UBAC2: variants seen among roughly 807,000 people sequenced by gnomAD.
UBAC2 encodes ubiquitin-associated domain-containing protein 2.
UBAC2 carries 26 observed loss-of-function variants against 44.0 expected under a neutral mutation model. That is an observed-to-expected ratio of 0.59 (90% CI 0.43 to 0.82). UBAC2 has a LOEUF of 0.82. Among genes scored for constraint, UBAC2 ranks in the 40% least tolerant of loss-of-function variants. The probability of loss-of-function intolerance (pLI) is 0.00; values close to 1 mark genes in which losing one functional copy is unlikely to be tolerated. For synonymous variants in UBAC2, 155 were observed against 154.3 expected, an observed-to-expected ratio of 1.00 and a Z score of -0.04; for missense variants, 329 against 419.4, an observed-to-expected ratio of 0.78 and a Z score of 1.88.
intron 4 of UBAC2, among the ~76,000 whole-genome samples, chr13:99,259,308 T>A (rs1473960918): frequency 6.6e-6 from 1 of 152,156 alleles, no homozygotes; most frequent in Non-Finnish European, 1.5e-5. Flanking sequence ...CTTAAATGTA[T>A]TTGTTTTTTT....
intron 7 of UBAC2, among the ~76,000 whole-genome samples, chr13:99,349,757 G>C (rs1442795241): frequency 6.6e-6 from 1 of 152,212 alleles, no homozygotes; most frequent in Non-Finnish European, 1.5e-5. Flanking sequence ...GAGGAACCAG[G>C]AGTACGGGAG....
At position 99,314,344 on chromosome 13, in the gene UBAC2, A is replaced by G. The variant is rs538153195; in HGVS notation, c.513+124A>G. The G allele has an allele frequency of 8.5e-5, 96 of 1,132,916 alleles. No homozygotes were observed. In the African/African-American group the frequency reaches 1.2e-3, roughly 14 times the overall value. 70.2% of individuals were successfully genotyped at this position (1,132,916 alleles called of 1,614,324 possible). A position where few individuals can be genotyped will look rare whatever the true frequency, so the allele number is the denominator to read the frequency against. ...TTTTTCCCCCCATAATCTTGGCTTC[A>G]TGATCTATATCAAATGTTTAAAGGA... On this transcript the variant is annotated intron_variant, in intron 5 of 8. Coordinates refer to ENST00000403766, the MANE Select transcript of UBAC2 (RefSeq NM_001144072.2).
chr13:99,338,047 C>CTTTTTCTTTTTTTTTTTTTT (rs2044821100), intron 6 of UBAC2, among the ~76,000 whole-genome samples: 1 of 48,866 alleles, frequency 2.0e-5, no homozygotes, highest in African/African-American at 7.1e-5. Context: ...TTCTTTTTTT[C>CTTTTTCTTTTTTTTTTTTTT]TTTTTTTTTT....
At chr13:99,283,236 A>T (rs1286289939) in intron 4 of UBAC2, among the ~76,000 whole-genome samples, 1 of 152,314 alleles carries the variant, frequency 6.6e-6, no homozygotes, top group East Asian at 1.9e-4. Context: ...TGTGGTTTTC[A>T]GCTGTTATTC....
At chr13:99,347,948 T>C (rs2045016802) in intron 7 of UBAC2, among the ~76,000 whole-genome samples, 1 of 152,036 alleles carries the variant, frequency 6.6e-6, no homozygotes, top group Non-Finnish European at 1.5e-5. Context: ...CATTCTTTTG[T>C]AAACTCGGGA....
At chr13:99,268,611 CAAA>C (rs756827927) in intron 4 of UBAC2, among the ~76,000 whole-genome samples, 3 of 75,736 alleles carry the variant, frequency 4.0e-5, no homozygotes, top group East Asian at 4.9e-4. Flanking sequence ...GACTCTGTCT[CAAA>C]AAAAAAAAAA....
chr13:99,385,173 A>G, intron 8 of UBAC2, 55 bp from the exon 9 acceptor site: 2 of 1,325,698 alleles, frequency 1.5e-6, no homozygotes, highest in Non-Finnish European at 2.2e-6. Flanking sequence ...TTTGGGGCCC[A>G]GGGATAAGCG....
intron 7 of UBAC2, among the ~76,000 whole-genome samples, chr13:99,354,048 A>G (rs1250035488): frequency 1.3e-5 from 2 of 152,276 alleles, no homozygotes; most frequent in African/African-American, 4.8e-5. Flanking sequence ...GCACACGTGC[A>G]GTGCCTGTTC....
At chr13:99,300,820 G>A (rs1351706109) in intron 4 of UBAC2, among the ~76,000 whole-genome samples, 2 of 152,164 alleles carry the variant, frequency 1.3e-5, no homozygotes, top group Middle Eastern at 3.2e-3. Flanking sequence ...CTCATACACA[G>A]CAGTACTCTG....
intron 4 of UBAC2, among the ~76,000 whole-genome samples, chr13:99,272,065 T>C (rs559996885): frequency 1.3e-5 from 2 of 152,342 alleles, no homozygotes; most frequent in East Asian, 1.9e-4. Context: ...ATTTTTAGTC[T>C]TCTCTCTAAA....
rs1213154612 is a variant in UBAC2 at position 99,295,723 on chromosome 13, CTTG to C, written c.390-18369_390-18367del. On this transcript the variant is annotated intron_variant, in intron 4 of 8. Coordinates refer to ENST00000403766, the MANE Select transcript of UBAC2 (RefSeq NM_001144072.2). The surrounding 1 kb of genome is among the most constrained non-coding windows in gnomAD (Gnocchi z 4.1). ...CTTTTGCATGTTCAATCCTTTTTAT[CTTG>C]TTGTAGCGTAGAGGGTGCACCACAG... 24 of 1,614,028 alleles carry C rather than the reference CTTG, an allele frequency of 1.5e-5. No individual in the cohort carries two copies. Among genetic ancestry groups the C allele is most frequent in the Non-Finnish European group, 1.9e-5 (23 of 1,180,020 alleles).
chr13:99,209,602 CT>C (rs1261962289), intron 1 of UBAC2, among the ~76,000 whole-genome samples: 1 of 152,190 alleles, frequency 6.6e-6, no homozygotes, highest in African/African-American at 2.4e-5. Context: ...CTCGTTTACT[CT>C]TGGGGACACA....
chr13:99,284,383 T>C (rs191242000), intron 4 of UBAC2, among the ~76,000 whole-genome samples: 89 of 152,374 alleles, frequency 5.8e-4, no homozygotes, highest in African/African-American at 1.7e-3. Context: ...CTGCCACTTA[T>C]GTTTTATACT....
Position 99,295,056 on chromosome 13 carries a change from C to T in UBAC2, c.390-19041C>T, listed in dbSNP as rs1184877666. ...CGTCACTATAAACCAAAATACAATC[C>T]ATTTCACTTTCCATTTGAAGACTTG... On this transcript the variant is annotated intron_variant, in intron 4 of 8. Transcript: ENST00000403766. The surrounding 1 kb of genome is among the most constrained non-coding windows in gnomAD (Gnocchi z 4.1). 6.2e-7 allele frequency: 1 copy of T among 1,611,472 alleles called. No individual in the cohort carries two copies. The highest frequency in any genetic ancestry group is 1.3e-5 in the African/African-American group (1 of 74,928).
chr13:99,303,251 G>C (rs1320071206), intron 4 of UBAC2, among the ~76,000 whole-genome samples: 2 of 152,220 alleles, frequency 1.3e-5, no homozygotes, highest in African/African-American at 4.8e-5. Flanking sequence ...GCAGTCTACT[G>C]TTTCCTCTTT....
intron 2 of UBAC2, among the ~76,000 whole-genome samples, chr13:99,240,155 G>T (rs1306427378): frequency 6.6e-6 from 1 of 152,120 alleles, no homozygotes; most frequent in East Asian, 1.9e-4. Flanking sequence ...CCAGATTTTG[G>T]CAGTGAATGC....
chr13:99,262,557 G>T (rs2043679121), intron 4 of UBAC2, among the ~76,000 whole-genome samples: 1 of 151,882 alleles, frequency 6.6e-6, no homozygotes. Flanking sequence ...ACAAAAATTA[G>T]CTGGGCATGG....
At position 99,295,585 on chromosome 13, in the gene UBAC2, A is replaced by G. The variant is rs1422116410; in HGVS notation, c.390-18512A>G. ...TCCAGGGAAGAGATTTAGTTTCTTC[A>G]AAGTTTGGATACTCCATGCATGTAA... On this transcript the variant is annotated intron_variant, in intron 4 of 8. Coordinates refer to ENST00000403766, the MANE Select transcript of UBAC2 (RefSeq NM_001144072.2). The surrounding 1 kb of genome is among the most constrained non-coding windows in gnomAD (Gnocchi z 4.1). 11 of 1,613,924 alleles carry G rather than the reference A, an allele frequency of 6.8e-6. No homozygotes were observed. The Admixed American group carries it at 8.3e-5, about 12-fold the overall frequency.
chr13:99,363,012 A>G (rs564268428), intron 7 of UBAC2, among the ~76,000 whole-genome samples: 1 of 144,436 alleles, frequency 6.9e-6, no homozygotes, highest in Non-Finnish European at 1.6e-5. Flanking sequence ...AAATTTTCAC[A>G]GTTTGGCTTT....
Sources: allele counts gnomAD v4.1 joint callset (sites outside exome capture counted in the v4.1 genomes callset), GRCh38; gene constraint gnomAD v4.1.1; non-coding constraint Gnocchi (gnomAD v3.1); transcripts MANE v1.5; gene names NCBI Gene and HGNC (gene_info 2026-07-23, HGNC 2026-07-21).